Variants in DIS3L2 observed in about 807,000 individuals in gnomAD.
DIS3L2 encodes DIS3 like 3'-5' exoribonuclease 2, also known as DIS3-like exonuclease 2.
In DIS3L2, 34 loss-of-function variants were observed where a neutral mutation model predicts 97.5. The observed-to-expected ratio is 0.35, with a 90% confidence interval of 0.27 to 0.46. The LOEUF is 0.46. DIS3L2 is among the 20% of genes least tolerant of loss of function. The probability of loss-of-function intolerance (pLI) is 1.00; values close to 1 mark genes in which losing one functional copy is unlikely to be tolerated. For missense variants in DIS3L2, 1,038 were observed against 1,146.0 expected (o/e 0.91, Z 1.36); for synonymous variants, 435 against 445.2 (o/e 0.98, Z 0.29).
chr2:232,280,928 G>T (rs547783999), intron 13 of DIS3L2, among the ~76,000 whole-genome samples: 2 of 152,328 alleles, frequency 1.3e-5, no homozygotes, highest in South Asian at 4.1e-4. Flanking sequence ...GTTGAGAGCA[G>T]CCTGGAAATG....
intron 7 of DIS3L2, among the ~76,000 whole-genome samples, chr2:232,136,151 A>G (rs1169575181): frequency 6.6e-6 from 1 of 152,220 alleles, no homozygotes; most frequent in African/African-American, 2.4e-5. Context: ...GAAAAATATA[A>G]TGTGAAACAA....
chr2:231,971,330 G>C (rs766159430), intron 1 of DIS3L2, among the ~76,000 whole-genome samples: 2 of 150,458 alleles, frequency 1.3e-5, no homozygotes, highest in Non-Finnish European at 3.0e-5. Flanking sequence ...GCAGTGGCGC[G>C]ATCTGGCTCA....
intron 11 of DIS3L2, among the ~76,000 whole-genome samples, chr2:232,243,061 C>T (rs568888423): frequency 3.0e-4 from 46 of 152,252 alleles, no homozygotes; most frequent in African/African-American, 1.1e-3. Context: ...AGAAGTGCCC[C>T]AAAGGTGAGG....
At chr2:232,235,011 G>T (rs1273423945) in intron 10 of DIS3L2, among the ~76,000 whole-genome samples, 1 of 152,218 alleles carries the variant, frequency 6.6e-6, no homozygotes, top group Non-Finnish European at 1.5e-5. Context: ...CAAAGAGATG[G>T]TTTCTGAATC....
At chr2:232,298,075 C>T (rs2106319231) in intron 13 of DIS3L2, among the ~76,000 whole-genome samples, 1 of 152,310 alleles carries the variant, frequency 6.6e-6, no homozygotes, top group East Asian at 1.9e-4. Flanking sequence ...GTGCATCCTG[C>T]TTTATCTCAT....
chr2:232,329,786 C>CCCCGGGGGCG, intron 14 of DIS3L2, 27 bp from the exon 15 acceptor site: 10 of 430,236 alleles, frequency 2.3e-5, no homozygotes, highest in African/African-American at 6.2e-5. Flanking sequence ...CCCCAGCGGT[C>CCCCGGGGGCG]CCTCCCATCC....
intron 1 of DIS3L2, among the ~76,000 whole-genome samples, chr2:232,013,567 G>T (rs941729593): frequency 6.6e-6 from 1 of 152,004 alleles, no homozygotes; most frequent in African/African-American, 2.4e-5. Context: ...GTACTCTCAG[G>T]TTTCCTGACC....
At chr2:232,176,750 G>A (rs554263985) in intron 9 of DIS3L2, among the ~76,000 whole-genome samples, 74 of 33,776 alleles carry the variant, frequency 2.2e-3, no homozygotes, top group African/African-American at 8.7e-3. Flanking sequence ...CACCATGCCC[G>A]GCTATTTTTT....
rs558697977 is a variant in DIS3L2 at position 232,263,898 on chromosome 2, C to T, written c.1659+458C>T. Among the ~76,000 whole-genome samples the T allele has an allele frequency of 3.9e-5, 6 of 152,288 alleles. No individual in the cohort carries two copies. The East Asian group carries it at 1.2e-3, about 29-fold the overall frequency. ...AAAAAAAGTATTTCTTCTTATACCT[C>T]ATCTCCCAAAAAAGAGTTATTTGTT... is the stretch of plus-strand genomic sequence containing the variant. On this transcript the variant is annotated intron_variant, in intron 13 of 20. Transcript: ENST00000325385.
intron 6 of DIS3L2, among the ~76,000 whole-genome samples, chr2:232,098,106 T>C (rs1436587525): frequency 6.6e-6 from 1 of 152,182 alleles, no homozygotes; most frequent in East Asian, 1.9e-4. Context: ...TCATACTAGG[T>C]AGGATAGATG....
intron 6 of DIS3L2, chr2:232,111,319 A>C: frequency 2.1e-6 from 1 of 466,514 alleles, no homozygotes; most frequent in Non-Finnish European, 4.4e-6. Context: ...AGAATAGATC[A>C]TATTTTTTTA....
rs1281349076 is a variant in DIS3L2, at chr2:232,293,216, T to C, written c.1660-6824T>C. On this transcript the variant is annotated intron_variant, in intron 13 of 20. Transcript: ENST00000325385. This position sits in a 1 kb window ranked among gnomAD's most constrained non-coding sequence, Gnocchi z 4.6. Reference sequence around the variant, plus strand: ...TGACAAGATGGCAACACCTGAACACTGAGAGTGTCTGAGCCACAGCTGGTC... The same window carrying C: ...TGACAAGATGGCAACACCTGAACACCGAGAGTGTCTGAGCCACAGCTGGTC... Among the ~76,000 whole-genome samples, 1 of 151,992 alleles carries C rather than the reference T, an allele frequency of 6.6e-6. No individual in the cohort carries two copies. Among genetic ancestry groups the C allele is most frequent in the Non-Finnish European group, 1.5e-5 (1 of 67,960 alleles).
At chr2:232,122,470 A>G (rs1559651243) in intron 6 of DIS3L2, among the ~76,000 whole-genome samples, 1 of 152,174 alleles carries the variant, frequency 6.6e-6, no homozygotes, top group Non-Finnish European at 1.5e-5. Context: ...TAATCCCAGC[A>G]TTTTGGAAGG....
intron 1 of DIS3L2, among the ~76,000 whole-genome samples, chr2:232,000,925 A>C (rs527763691): frequency 8.6e-5 from 13 of 151,002 alleles, no homozygotes; most frequent in African/African-American, 3.2e-4. Context: ...CATTGTGTAT[A>C]TATACTACAT....
chr2:232,113,801 C>T (rs543274885), intron 6 of DIS3L2, among the ~76,000 whole-genome samples: 1 of 152,192 alleles, frequency 6.6e-6, no homozygotes, highest in Non-Finnish European at 1.5e-5. Context: ...TTTCCCAAAA[C>T]AAACCTCCTT....
At chr2:232,182,495 A>G (rs1361280396) in intron 9 of DIS3L2, among the ~76,000 whole-genome samples, 1 of 151,872 alleles carries the variant, frequency 6.6e-6, no homozygotes, top group Non-Finnish European at 1.5e-5. Flanking sequence ...TTTATTTTTT[A>G]TCTCTGTTAC....
At chr2:231,984,287 A>G (rs1309096841) in intron 1 of DIS3L2, among the ~76,000 whole-genome samples, 2 of 151,654 alleles carry the variant, frequency 1.3e-5, no homozygotes, top group South Asian at 2.1e-4. Context: ...TTTTATTTTT[A>G]AATTAAACTT....
chr2:232,241,683 G>A (rs1003776153), intron 11 of DIS3L2, among the ~76,000 whole-genome samples: 2 of 152,188 alleles, frequency 1.3e-5, no homozygotes, highest in African/African-American at 2.4e-5. Flanking sequence ...TTAGATAGGG[G>A]ACACCTGCCC....
At chr2:232,119,430 A>G (rs534635201) in intron 6 of DIS3L2, among the ~76,000 whole-genome samples, 1 of 152,332 alleles carries the variant, frequency 6.6e-6, no homozygotes, top group African/African-American at 2.4e-5. Context: ...AGAAAAATTC[A>G]GATGGAAGTC....
Sources: allele counts gnomAD v4.1 joint callset (sites outside exome capture counted in the v4.1 genomes callset), GRCh38; gene constraint gnomAD v4.1.1; non-coding constraint Gnocchi (gnomAD v3.1); transcripts MANE v1.5; gene names NCBI Gene and HGNC (gene_info 2026-07-23, HGNC 2026-07-21).